PDE4D: variants seen among roughly 807,000 people sequenced by gnomAD.
PDE4D encodes 3',5'-cyclic-AMP phosphodiesterase 4D.
A neutral mutation model predicts 87.4 loss-of-function variants in PDE4D; 24 were observed. The observed-to-expected ratio is 0.27, with a 90% CI of 0.20 to 0.39. PDE4D has a LOEUF of 0.39. Among genes scored for constraint, PDE4D ranks in the 10% least tolerant of loss-of-function variants. The pLI is 1.00. For synonymous variants in PDE4D, 384 were observed against 383.2 expected (o/e 1.00, Z -0.02); for missense variants, 714 against 1,041.0 (o/e 0.69, Z 4.32).
At chr5:59,534,303 T>A (rs1320444669) in intron 1 of PDE4D, among the ~76,000 whole-genome samples, 1 of 152,196 alleles carries the variant, frequency 6.6e-6, no homozygotes, top group Non-Finnish European at 1.5e-5. Flanking sequence ...GTCTTAAAAA[T>A]ATGGGTATTT....
intron 2 of PDE4D, among the ~76,000 whole-genome samples, chr5:60,177,334 G>C (rs764441787): frequency 6.6e-6 from 1 of 152,072 alleles, no homozygotes; most frequent in Non-Finnish European, 1.5e-5. Flanking sequence ...AAAGCAAAAG[G>C]ATTCAGATTT....
chr5:59,594,565 C>T (rs1357293457), intron 1 of PDE4D, among the ~76,000 whole-genome samples: 1 of 152,032 alleles, frequency 6.6e-6, no homozygotes, highest in African/African-American at 2.4e-5. Context: ...AGGTGATCCA[C>T]CTGCTTCCAC....
intron 1 of PDE4D, among the ~76,000 whole-genome samples, chr5:60,361,259 T>C (rs1561164437): frequency 6.6e-6 from 1 of 152,164 alleles, no homozygotes; most frequent in Non-Finnish European, 1.5e-5. Context: ...CCAATAAATG[T>C]TGGATACATT....
chr5:60,498,010 A>T (rs1243449707), intron 1 of PDE4D, among the ~76,000 whole-genome samples: 5 of 152,184 alleles, frequency 3.3e-5, no homozygotes, highest in Non-Finnish European at 7.3e-5. Flanking sequence ...GAAATAGGTC[A>T]TCCTCTGACT....
At chr5:59,552,778 C>T (rs542262366) in intron 1 of PDE4D, among the ~76,000 whole-genome samples, 32 of 152,218 alleles carry the variant, frequency 2.1e-4, no homozygotes, top group African/African-American at 4.6e-4. Flanking sequence ...TTTACAGACT[C>T]GGCCTTATTT....
At chr5:59,606,650 C>T (rs2150051184) in intron 1 of PDE4D, among the ~76,000 whole-genome samples, 1 of 152,158 alleles carries the variant, frequency 6.6e-6, no homozygotes, top group African/African-American at 2.4e-5. Context: ...GGAGGGGATG[C>T]AATTATGGAA....
intron 1 of PDE4D, among the ~76,000 whole-genome samples, chr5:59,655,756 C>T (rs542808363): frequency 2.7e-4 from 41 of 152,266 alleles, no homozygotes; most frequent in African/African-American, 8.7e-4. Context: ...TGTATTTTCT[C>T]CCTTGGACAC....
intron 1 of PDE4D, among the ~76,000 whole-genome samples, chr5:59,802,996 G>A (rs535725021): frequency 6.6e-6 from 1 of 152,222 alleles, no homozygotes; most frequent in Admixed American, 6.5e-5. Flanking sequence ...TGTGGTGTAG[G>A]GCAGAGGAAG....
At chr5:59,335,867 G>A (rs1051951164) in intron 1 of PDE4D, among the ~76,000 whole-genome samples, 3 of 152,144 alleles carry the variant, frequency 2.0e-5, no homozygotes, top group African/African-American at 7.2e-5. Context: ...GGCACTCCCA[G>A]CCATTTGGAA....
intron 1 of PDE4D, 104 bp from the exon 2 acceptor site, chr5:59,216,072 G>A: frequency 2.7e-6 from 2 of 744,302 alleles, no homozygotes; most frequent in South Asian, 3.8e-5. Flanking sequence ...GAATTAGCAG[G>A]AATGAAAATT....
chr5:59,481,541 G>T (rs1427371810), intron 1 of PDE4D, among the ~76,000 whole-genome samples: 1 of 152,064 alleles, frequency 6.6e-6, no homozygotes, highest in African/African-American at 2.4e-5. Flanking sequence ...CATAATTTCT[G>T]ACCCCTATTC....
At chr5:59,687,800 C>T (rs915966022) in intron 1 of PDE4D, among the ~76,000 whole-genome samples, 3 of 152,102 alleles carry the variant, frequency 2.0e-5, no homozygotes, top group Non-Finnish European at 4.4e-5. Flanking sequence ...CAAGACCCAC[C>T]ACTGTGCTGT....
At chr5:60,165,737 A>G (rs1335650757) in intron 2 of PDE4D, among the ~76,000 whole-genome samples, 2 of 149,696 alleles carry the variant, frequency 1.3e-5, no homozygotes, top group Non-Finnish European at 3.0e-5. Flanking sequence ...ATTATATATA[A>G]TATAATAACA....
chr5:60,241,272 T>C (rs1248907678), intron 1 of PDE4D, among the ~76,000 whole-genome samples: 1 of 18,654 alleles, frequency 5.4e-5, no homozygotes, highest in Non-Finnish European at 1.2e-4. Context: ...TCTCTCTCTC[T>C]TTTTTTTTTT....
chr5:59,364,443 G>T (rs996007419), intron 1 of PDE4D, among the ~76,000 whole-genome samples: 34 of 152,110 alleles, frequency 2.2e-4, no homozygotes, highest in Non-Finnish European at 7.3e-5. Flanking sequence ...ACACACAATT[G>T]TTATTTCATT....
chr5:60,171,307 T>C (rs1231841578), intron 2 of PDE4D, among the ~76,000 whole-genome samples: 1 of 152,156 alleles, frequency 6.6e-6, no homozygotes, highest in East Asian at 1.9e-4. Flanking sequence ...CCTAAAATTA[T>C]ACTGTTCTGA....
At chr5:59,202,406 G>A (rs1747703380) in intron 2 of PDE4D, among the ~76,000 whole-genome samples, 1 of 152,148 alleles carries the variant, frequency 6.6e-6, no homozygotes, top group Admixed American at 6.5e-5. Flanking sequence ...CTGTTGCCCA[G>A]GCTAGAGTGC....
chr5:60,469,517 A>T (rs1296073143), intron 1 of PDE4D, among the ~76,000 whole-genome samples: 1 of 152,118 alleles, frequency 6.6e-6, no homozygotes, highest in East Asian at 1.9e-4. Context: ...ACTTTGCTTT[A>T]TTGCACTTTG....
intron 2 of PDE4D, among the ~76,000 whole-genome samples, chr5:60,175,604 C>T (rs1783839419): frequency 6.6e-6 from 1 of 152,108 alleles, no homozygotes; most frequent in African/African-American, 2.4e-5. Context: ...ATTTGCTCCC[C>T]CTTTAGCTTT....
Sources: allele counts gnomAD v4.1 joint callset (sites outside exome capture counted in the v4.1 genomes callset), GRCh38; gene constraint gnomAD v4.1.1; transcripts MANE v1.5; gene names NCBI Gene and HGNC (gene_info 2026-07-23, HGNC 2026-07-21).